PRELID2: variants seen among roughly 807,000 people sequenced by gnomAD.
The protein encoded by PRELID2 is PRELI domain containing 2, also known as PRELI domain-containing protein 2.
Under a neutral mutation model 28.4 loss-of-function variants are expected in PRELID2, and 25 were observed. The ratio of observed to expected loss-of-function variants is 0.88; its 90% confidence interval spans 0.64 to 1.23. The LOEUF is 1.23. PRELID2 is among the 50% of genes most tolerant of loss of function. The probability of loss-of-function intolerance (pLI) is 0.00; values close to 1 mark genes in which losing one functional copy is unlikely to be tolerated. For missense variants in PRELID2, 201 were observed against 214.4 expected (o/e 0.94, Z 0.39); for synonymous variants, 76 against 71.6 (o/e 1.06, Z -0.31).
intron 1 of PRELID2, among the ~76,000 whole-genome samples, chr5:145,698,718 G>GT (rs1755338571): frequency 6.6e-6 from 1 of 152,028 alleles, no homozygotes; most frequent in Non-Finnish European, 1.5e-5. Flanking sequence ...CCACCTGTTT[G>GT]TTGTTTGTTT....
At chr5:145,573,604 G>T (rs546914027) in intron 1 of PRELID2, among the ~76,000 whole-genome samples, 1 of 152,172 alleles carries the variant, frequency 6.6e-6, no homozygotes, top group South Asian at 2.1e-4. Context: ...GCCATGTTTG[G>T]TTTTCTGTTC....
intron 4 of PRELID2, among the ~76,000 whole-genome samples, chr5:145,807,482 CTTA>C (rs1753593574): frequency 1.3e-5 from 2 of 152,022 alleles, no homozygotes; most frequent in Admixed American, 6.6e-5. Context: ...TATTTTTTAT[CTTA>C]TTAAGTCTTC....
chr5:145,760,614 C>A (rs1757428928), intron 6 of PRELID2, 89 bp from the exon 7 acceptor site: 1 of 152,234 alleles, frequency 6.6e-6, no homozygotes, highest in South Asian at 2.1e-4. Context: ...AGCAACTCTT[C>A]AGAGTCCACT....
intron 1 of PRELID2, among the ~76,000 whole-genome samples, chr5:145,687,218 G>C (rs56273328): frequency 0.024 from 3,620 of 152,128 alleles, 64 homozygotes; most frequent in Non-Finnish European, 0.034. Context: ...AACTATGGGG[G>C]GTCTTCTGAC....
the PRELID2 span, among the ~76,000 whole-genome samples, chr5:145,448,416 G>T: frequency 6.6e-6 from 1 of 152,086 alleles, no homozygotes; most frequent in Non-Finnish European, 1.5e-5. Flanking sequence ...CTCCCACGTT[G>T]TAGGTTGCCT....
chr5:145,360,824 TA>T, the PRELID2 span, among the ~76,000 whole-genome samples: 1 of 152,190 alleles, frequency 6.6e-6, no homozygotes, highest in Non-Finnish European at 1.5e-5. Context: ...ACTATTATAA[TA>T]ATTTTGTTTC....
intron 1 of PRELID2, among the ~76,000 whole-genome samples, chr5:145,674,003 A>G (rs565890824): frequency 1.3e-5 from 2 of 152,208 alleles, no homozygotes; most frequent in Admixed American, 1.3e-4. Context: ...AGTGAGTGCC[A>G]ATAAAATGTC....
chr5:145,649,852 G>T (rs1403343161), intron 1 of PRELID2, among the ~76,000 whole-genome samples: 1 of 152,074 alleles, frequency 6.6e-6, no homozygotes, highest in Non-Finnish European at 1.5e-5. Context: ...ATCTGCTGTG[G>T]GGTGGTTTTC....
downstream of PRELID2, among the ~76,000 whole-genome samples, chr5:145,467,764 A>AT (rs35060118): frequency 0.26 from 37,639 of 145,288 alleles, 4,703 homozygotes; most frequent in South Asian, 0.32. Flanking sequence ...GACTTTACAG[A>AT]TTTTTTTTTT....
the PRELID2 span, among the ~76,000 whole-genome samples, chr5:145,420,016 A>C: frequency 4.0e-5 from 6 of 151,652 alleles, no homozygotes; most frequent in East Asian, 1.9e-4. Context: ...GTTTTTCTCA[A>C]GTTTGTCAAA....
chr5:145,642,891 C>T (rs1313591301), intron 1 of PRELID2, among the ~76,000 whole-genome samples: 1 of 152,170 alleles, frequency 6.6e-6, no homozygotes, highest in Non-Finnish European at 1.5e-5. Context: ...GTTTTGGTAC[C>T]AGTACCATGC....
At chr5:145,402,272 A>T in the PRELID2 span, among the ~76,000 whole-genome samples, 1 of 152,164 alleles carries the variant, frequency 6.6e-6, no homozygotes, top group African/African-American at 2.4e-5. Context: ...AGTGGGTAAA[A>T]GCTAAGGGAA....
chr5:145,583,799 C>T (rs964662315), intron 1 of PRELID2, among the ~76,000 whole-genome samples: 1 of 152,050 alleles, frequency 6.6e-6, no homozygotes, highest in Non-Finnish European at 1.5e-5. Context: ...AGGACACAAA[C>T]ATATGGAAAA....
At chr5:145,236,509 G>A in the PRELID2 span, among the ~76,000 whole-genome samples, 2 of 152,060 alleles carry the variant, frequency 1.3e-5, no homozygotes, top group East Asian at 3.9e-4. Context: ...CATAAACAAG[G>A]ACATGCCAAC....
intron 1 of PRELID2, among the ~76,000 whole-genome samples, chr5:145,742,027 T>C (rs1756817594): frequency 7.8e-6 from 1 of 127,408 alleles, no homozygotes; most frequent in African/African-American, 3.1e-5. Flanking sequence ...AGTAAATAAA[T>C]TTATTCATTA....
At chr5:145,430,515 C>T in the PRELID2 span, among the ~76,000 whole-genome samples, 1 of 152,128 alleles carries the variant, frequency 6.6e-6, no homozygotes, top group Non-Finnish European at 1.5e-5. Context: ...CTCTTCGTCA[C>T]TTCTGCCCAC....
chr5:145,739,544 AAGAAT>A (rs1457133809), intron 1 of PRELID2, among the ~76,000 whole-genome samples: 5 of 152,170 alleles, frequency 3.3e-5, no homozygotes, highest in African/African-American at 9.7e-5. Flanking sequence ...ACAAGAAAGA[AAGAAT>A]AAAGTAAGAA....
chr5:145,610,799 A>G (rs1251048447), intron 1 of PRELID2, among the ~76,000 whole-genome samples: 1 of 152,118 alleles, frequency 6.6e-6, no homozygotes, highest in Non-Finnish European at 1.5e-5. Context: ...ATCTTGTTTA[A>G]GTTGATAAGG....
intron 1 of PRELID2, among the ~76,000 whole-genome samples, chr5:145,518,135 TATAATAATAATAATAATAATA>T (rs56385008): frequency 0.023 from 3,277 of 142,524 alleles, 128 homozygotes; most frequent in African/African-American, 0.081. Flanking sequence ...GAACTTGAAG[TATAATAATAATAATAATAATA>T]ATAATAATAA....
Sources: allele counts gnomAD v4.1 joint callset (sites outside exome capture counted in the v4.1 genomes callset), GRCh38; gene constraint gnomAD v4.1.1; transcripts MANE v1.5; gene names NCBI Gene and HGNC (gene_info 2026-07-23, HGNC 2026-07-21).